Variants in AHRR observed in about 807,000 individuals in gnomAD.
The protein encoded by AHRR is ahR repressor.
A neutral mutation model predicts 44.0 loss-of-function variants in AHRR; 28 were observed. The observed-to-expected ratio is 0.64, with a 90% confidence interval of 0.47 to 0.87. The LOEUF (loss-of-function observed/expected upper bound fraction) is 0.87, where lower values mean the gene tolerates loss of function less well. Among genes scored for constraint, AHRR ranks in the 40% least tolerant of loss-of-function variants. The pLI, the probability that AHRR is intolerant of heterozygous loss-of-function variation, is 0.00. For missense variants in AHRR, 990 were observed against 953.9 expected (o/e 1.04, Z -0.50); for synonymous variants, 434 against 407.0 (o/e 1.07, Z -0.80).
Position 395,432 on chromosome 5 carries a change from A to G in AHRR, c.352-17912A>G, listed in dbSNP as rs556021813. Among the ~76,000 whole-genome samples the G allele has an allele frequency of 1.0e-3, 159 of 152,310 alleles. No individual in the cohort carries two copies. The highest frequency in any genetic ancestry group is 3.8e-3 in the African/African-American group (158 of 41,572). On this transcript the variant is annotated intron_variant, in intron 4 of 10. Coordinates refer to ENST00000684583, the MANE Select transcript of AHRR (RefSeq NM_001377236.1). This position sits in a 1 kb window ranked among gnomAD's most constrained non-coding sequence, Gnocchi z 5.3. Reference sequence around the variant, plus strand: ...TGACTCACCAGCCCAGAGCAGGGGAATCTCACCAGTTCCCTGAAACAGAGC... The same window carrying G: ...TGACTCACCAGCCCAGAGCAGGGGAGTCTCACCAGTTCCCTGAAACAGAGC...
Position 388,147 on chromosome 5 carries a change from G to A in AHRR, c.351+11431G>A, listed in dbSNP as rs1364615994. 1.3e-5 allele frequency among the ~76,000 whole-genome samples: 2 copies of A among 152,214 alleles called. No homozygotes were observed. Among genetic ancestry groups the A allele is most frequent in the African/African-American group, 4.8e-5 (2 of 41,438 alleles). ...CACATTCATGGGTTTGGAAGGAAAT[G>A]AATTTTGGAGGACACCACTCAGCCC... On this transcript the variant is annotated intron_variant, in intron 4 of 10. Coordinates refer to ENST00000684583, the MANE Select transcript of AHRR (RefSeq NM_001377236.1). This position sits in a 1 kb window ranked among gnomAD's most constrained non-coding sequence, Gnocchi z 5.2.
chr5:434,616 C>T lies in AHRR; in HGVS notation c.1876C>T (p.Pro626Ser), dbSNP rs769124470. ...CTGCCTGGAGCCCACAGACGGCCTTCCCCAGTCGGAGCCTCCCCACCAGCT... is the reference window on the plus strand; with the variant it reads ...CTGCCTGGAGCCCACAGACGGCCTTTCCCAGTCGGAGCCTCCCCACCAGCT... The part of the protein sequence containing the change: ...CACLEPTDGL[P>S]QSEPPHQLCA... The change falls in exon 11 of 11, where the codon CCC (proline) becomes TCC (serine). Residue 626 changes from proline (P) to serine (S), a missense_variant. Pro to Ser is a moderately conservative substitution (Grantham distance 74, BLOSUM62 -1). Coordinates refer to ENST00000684583, the MANE Select transcript of AHRR (RefSeq NM_001377236.1). 3 of 1,563,116 alleles carry T rather than the reference C, an allele frequency of 1.9e-6. No homozygotes were observed. The highest frequency in any genetic ancestry group is 1.7e-4 in the Middle Eastern group (1 of 5,898).
chr5:391,410 CCAGAGCGTGCACGGGG>C (rs1472140116), intron 4 of AHRR, among the ~76,000 whole-genome samples: 7 of 119,342 alleles, frequency 5.9e-5, no homozygotes, highest in East Asian at 2.7e-4. Flanking sequence ...CGAGGCAGGG[CCAGAGCGTGCACGGGG>C]GCAGGGCGAG....
In AHRR at chr5:406,477, G is replaced by C. The variant is rs895355709; in HGVS notation, c.352-6867G>C. ...CATTGGTAAGGAAGAACAGGAAGTTGTCTCAAAATAAAGGGGGATCAGGTG... is the reference window on the plus strand; with the variant it reads ...CATTGGTAAGGAAGAACAGGAAGTTCTCTCAAAATAAAGGGGGATCAGGTG... On this transcript the variant is annotated intron_variant, in intron 4 of 10. Transcript: ENST00000684583. The surrounding 1 kb of genome is among the most constrained non-coding windows in gnomAD (Gnocchi z 4.7). 6.6e-6 allele frequency among the ~76,000 whole-genome samples: 1 copy of C among 152,230 alleles called. No individual in the cohort carries two copies. Among genetic ancestry groups the C allele is most frequent in the Non-Finnish European group, 1.5e-5 (1 of 68,042 alleles).
rs995674119 is a variant in AHRR at position 404,946 on chromosome 5, T to C, written c.352-8398T>C. Among the ~76,000 whole-genome samples the C allele has an allele frequency of 1.3e-5, 2 of 151,958 alleles. No individual in the cohort carries two copies. The highest frequency in any genetic ancestry group is 2.9e-5 in the Non-Finnish European group (2 of 67,974). On this transcript the variant is annotated intron_variant, in intron 4 of 10. Coordinates refer to ENST00000684583, the MANE Select transcript of AHRR (RefSeq NM_001377236.1). The surrounding 1 kb of genome is among the most constrained non-coding windows in gnomAD (Gnocchi z 4.1). ...GGCTGTCTTCACACTCCCCGCGGGGTCCATTTCATGTCCTGCTGATTAATC... is the reference window on the plus strand; with the variant it reads ...GGCTGTCTTCACACTCCCCGCGGGGCCCATTTCATGTCCTGCTGATTAATC...
chr5:400,033 C>G (rs1436399878), intron 4 of AHRR, among the ~76,000 whole-genome samples: 2 of 152,204 alleles, frequency 1.3e-5, no homozygotes, highest in Non-Finnish European at 2.9e-5. Context: ...GGGCCAGCTG[C>G]CCCGACGCCC....
intron 2 of AHRR, among the ~76,000 whole-genome samples, chr5:349,836 G>A (rs966324710): frequency 7.2e-5 from 11 of 152,152 alleles, no homozygotes; most frequent in Non-Finnish European, 1.3e-4. Flanking sequence ...TTGGATATAC[G>A]GTTGATCCAA....
intron 7 of AHRR, among the ~76,000 whole-genome samples, chr5:426,490 G>A (rs1736399506): frequency 6.6e-6 from 1 of 151,664 alleles, no homozygotes; most frequent in African/African-American, 2.4e-5. Flanking sequence ...ATGGGAAGAT[G>A]GATGGATGGA....
rs373021703 is a variant in AHRR, at chr5:433,955, A to C, written c.1215A>C (p.Gly405=). The part of the protein sequence containing the change: ...GPTKPLPWTA[G]KHSEDGARPR... ...CAAAGCCCCTGCCCTGGACAGCGGG[A>C]AAGCACAGTGAGGATGGTGCCAGGC... The change falls in exon 11 of 11, where the codon GGA becomes GGC. Residue 405 remains glycine, a synonymous_variant. Coordinates refer to ENST00000684583, the MANE Select transcript of AHRR (RefSeq NM_001377236.1). 30 of 1,554,038 alleles carry C rather than the reference A, an allele frequency of 1.9e-5. No homozygotes were observed. In the African/African-American group the frequency reaches 4.1e-4, roughly 21 times the overall value.
intron 5 of AHRR, chr5:421,047 C>G: frequency 3.9e-6 from 2 of 518,386 alleles, no homozygotes; most frequent in Non-Finnish European, 6.8e-6. Flanking sequence ...GAAACGTGGC[C>G]TATCCACCGC....
At position 337,117 on chromosome 5, in the gene AHRR, G is replaced by C. The variant is rs6555182; in HGVS notation, c.-10-6776G>C. Among the ~76,000 whole-genome samples, 15,216 of 151,752 alleles carry C rather than the reference G, an allele frequency of 0.1. 2,454 individuals are homozygous for C. Among genetic ancestry groups the C allele is most frequent in the African/African-American group, 0.34 (14,068 of 41,340 alleles). ...CCAAACATTTTATTATGGCACTTTT[G>C]AAATATTTTACAAAAATAGAGAAAA... is the stretch of plus-strand genomic sequence containing the variant. On this transcript the variant is annotated intron_variant, in intron 1 of 10. Coordinates refer to ENST00000684583, the MANE Select transcript of AHRR (RefSeq NM_001377236.1). This position sits in a 1 kb window ranked among gnomAD's most constrained non-coding sequence, Gnocchi z 4.1.
chr5:397,230 T>C (rs1382357253), intron 4 of AHRR, among the ~76,000 whole-genome samples: 5 of 98,014 alleles, frequency 5.1e-5, no homozygotes, highest in Non-Finnish European at 1.0e-4. Context: ...ACGTAGCCCC[T>C]GACCATCCAC....
At chr5:426,995 T>G (rs1310944763) in intron 7 of AHRR, among the ~76,000 whole-genome samples, 15 of 116,182 alleles carry the variant, frequency 1.3e-4, no homozygotes, top group East Asian at 5.4e-4. Flanking sequence ...TGGGTGGATG[T>G]GAAGATGGAT....
At position 376,544 on chromosome 5, in the gene AHRR, G is replaced by GCGAA. The variant is rs1733679976; in HGVS notation, c.245-66_245-65insCGAA. 3.6e-6 allele frequency: 5 copies of GCGAA among 1,405,564 alleles called. No homozygotes were observed. In the South Asian group the frequency reaches 4.2e-5, roughly 12 times the overall value. The allele number at this position is 1,405,564 out of a possible 1,614,324, so 87.1% of individuals were successfully genotyped here. ...GAACGCGGGGAAACACAGGAAAGAT[G>GCGAA]TGAATGAAGAAGAGTGGCCAGGCCA... On this transcript the variant is annotated intron_variant, in intron 3 of 10. Transcript: ENST00000684583.
At chr5:392,805 C>T (rs150632254) in intron 4 of AHRR, among the ~76,000 whole-genome samples, 45 of 152,206 alleles carry the variant, frequency 3.0e-4, no homozygotes, top group Admixed American at 6.5e-4. Context: ...GGCCTTACCG[C>T]GACTGCCTCA....
At chr5:325,579 TC>T (rs2126313453) in intron 1 of AHRR, among the ~76,000 whole-genome samples, 1 of 152,206 alleles carries the variant, frequency 6.6e-6, no homozygotes, top group African/African-American at 2.4e-5. Flanking sequence ...AGGCTGGGCA[TC>T]CCACAGCACC....
intron 5 of AHRR, chr5:420,808 G>A (rs763697203): frequency 1.1e-4 from 7 of 64,568 alleles, no homozygotes; most frequent in Non-Finnish European, 1.9e-4. Flanking sequence ...CAGCCACGCA[G>A]CCACCCACCC....
Position 399,219 on chromosome 5 carries a change from G to A in AHRR, c.352-14125G>A, listed in dbSNP as rs145430800. 9.6e-4 allele frequency among the ~76,000 whole-genome samples: 147 copies of A among 152,352 alleles called. No homozygotes were observed. The Middle Eastern group carries it at 0.014, about 14-fold the overall frequency. On this transcript the variant is annotated intron_variant, in intron 4 of 10. Transcript: ENST00000684583. ...GGGCTGGTGGTGCAGGACACACCCA[G>A]GGCGTGGGGTCCCAGGCTTAGGGAT...
intron 8 of AHRR, among the ~76,000 whole-genome samples, chr5:431,677 A>ATGAT (rs1454932657): frequency 3.9e-4 from 58 of 149,046 alleles, no homozygotes; most frequent in Middle Eastern, 3.4e-3. Context: ...AGCTTTTCCC[A>ATGAT]CAGGGGTTTT....
Sources: gnomAD v4.1 joint callset for allele counts (sites outside exome capture counted in the v4.1 genomes callset) on GRCh38, gnomAD v4.1.1 for gene constraint, Gnocchi (gnomAD v3.1) non-coding constraint, MANE v1.5 for transcripts, NCBI Gene and HGNC (gene_info 2026-07-23, HGNC 2026-07-21) for gene names.